The following WWOX variants were observed in gnomAD, a reference collection of about 807,000 sequenced individuals.
WWOX encodes the protein WW domain containing oxidoreductase.
WWOX carries 69 observed loss-of-function variants against 46.2 expected under a neutral mutation model. The observed-to-expected ratio is 1.49, with a 90% CI of 1.23 to 1.82. The LOEUF (loss-of-function observed/expected upper bound fraction) is 1.82. WWOX is among the 40% of genes most tolerant of loss of function. WWOX has a pLI of 0.00. For synonymous variants in WWOX, 359 were observed against 202.6 expected (o/e 1.77, Z -6.56); for missense variants, 919 against 542.6 (o/e 1.69, Z -6.89).
rs555750989 is a variant in WWOX at position 78,264,034 on chromosome 16, G to A, written c.516+99745G>A. Among the ~76,000 whole-genome samples, 47 of 52,162 alleles carry A rather than the reference G, an allele frequency of 9.0e-4. No individual in the cohort carries two copies. The South Asian group carries it at 0.018, about 20-fold the overall frequency. The allele number at this position is 52,162 out of a possible 152,430, so 34.2% of individuals were successfully genotyped here. On this transcript the variant is annotated intron_variant, in intron 5 of 8. Transcript: ENST00000566780. ...TTTTTTTGTTTTTTTGCTGTGGAGCGCAAAATGTTCATTTATCTCTGGATG... is the reference window on the plus strand; with the variant it reads ...TTTTTTTGTTTTTTTGCTGTGGAGCACAAAATGTTCATTTATCTCTGGATG...
At chr16:79,106,393 A>G (rs917706597) in intron 8 of WWOX, among the ~76,000 whole-genome samples, 2 of 152,178 alleles carry the variant, frequency 1.3e-5, no homozygotes, top group African/African-American at 4.8e-5. Context: ...TTCTCATGGC[A>G]TGATTCCTCT....
intron 5 of WWOX, among the ~76,000 whole-genome samples, chr16:78,354,272 C>T (rs2081240156): frequency 7.1e-6 from 1 of 140,454 alleles, no homozygotes; most frequent in African/African-American, 2.6e-5. Context: ...TCTCTTTTTG[C>T]TTGGCATAGG....
chr16:78,654,577 G>A lies in WWOX; in HGVS notation c.1056+221825G>A, dbSNP rs576199762. On this transcript the variant is annotated intron_variant, in intron 8 of 8. Coordinates refer to ENST00000566780, the MANE Select transcript of WWOX (RefSeq NM_016373.4). ...GTTCTTTTCAGATTCTGATTTCTCC[G>A]TGATATAAATAGTTTTTTAGGTGAT... is the stretch of plus-strand genomic sequence containing the variant. 2.9e-4 allele frequency among the ~76,000 whole-genome samples: 44 copies of A among 152,196 alleles called. No individual in the cohort carries two copies. The South Asian group carries it at 3.1e-3, about 11-fold the overall frequency.
intron 8 of WWOX, among the ~76,000 whole-genome samples, chr16:79,011,761 G>T (rs538857332): frequency 1.7e-3 from 258 of 152,054 alleles, no homozygotes; most frequent in African/African-American, 5.9e-3. Context: ...CCAAAGTGCT[G>T]GGATTACAGG....
At chr16:78,947,115 A>AG (rs1303959162) in intron 8 of WWOX, among the ~76,000 whole-genome samples, 2 of 151,392 alleles carry the variant, frequency 1.3e-5, no homozygotes, top group Non-Finnish European at 2.9e-5. Flanking sequence ...AAAAAAAAAG[A>AG]GGGGGAAAAA....
Position 78,825,290 on chromosome 16 carries a change from C to T in WWOX, c.1057-386318C>T, listed in dbSNP as rs558374770. On this transcript the variant is annotated intron_variant, in intron 8 of 8. Transcript: ENST00000566780. ...GGTGTGCAGCAGCATGATGGCCGCGCGAATTTCCAAGAAGAGGATGTTGGT... is the reference window on the plus strand; with the variant it reads ...GGTGTGCAGCAGCATGATGGCCGCGTGAATTTCCAAGAAGAGGATGTTGGT... The T allele has an allele frequency of 3.3e-4, 94 of 286,124 alleles. 1 individual carries two copies. The highest frequency in any genetic ancestry group is 2.8e-3 in the South Asian group (65 of 22,950). The allele number at this position is 286,124 out of a possible 1,614,324, so 17.7% of individuals were successfully genotyped here. A position where few individuals can be genotyped will look rare whatever the true frequency, so the allele number is the denominator to read the frequency against.
At chr16:79,123,713 C>T (rs1423268700) in intron 8 of WWOX, among the ~76,000 whole-genome samples, 1 of 152,112 alleles carries the variant, frequency 6.6e-6, no homozygotes, top group Non-Finnish European at 1.5e-5. Context: ...GCTGTAGGAA[C>T]ATGAAATAAT....
At chr16:79,195,177 A>G (rs2051214457) in intron 8 of WWOX, among the ~76,000 whole-genome samples, 1 of 152,054 alleles carries the variant, frequency 6.6e-6, no homozygotes, top group Non-Finnish European at 1.5e-5. Context: ...TGTTTGTTGT[A>G]GGTTGGGTAC....
chr16:78,255,205 G>T (rs918971673), intron 5 of WWOX, among the ~76,000 whole-genome samples: 1 of 152,058 alleles, frequency 6.6e-6, no homozygotes, highest in Admixed American at 6.5e-5. Context: ...CAGATCCCCC[G>T]TCCCCCTGCT....
chr16:78,490,742 G>A (rs778175865), intron 8 of WWOX, among the ~76,000 whole-genome samples: 25 of 152,260 alleles, frequency 1.6e-4, no homozygotes, highest in Middle Eastern at 6.8e-3. Context: ...TCTACACAGT[G>A]GTCTTCAGCT....
At chr16:78,851,283 A>T (rs545720545) in intron 8 of WWOX, among the ~76,000 whole-genome samples, 1 of 152,320 alleles carries the variant, frequency 6.6e-6, no homozygotes, top group South Asian at 2.1e-4. Context: ...ATAATTTTCA[A>T]CAGGAGCTAT....
At chr16:79,003,340 G>A (rs1193598074) in intron 8 of WWOX, among the ~76,000 whole-genome samples, 2 of 152,196 alleles carry the variant, frequency 1.3e-5, no homozygotes, top group African/African-American at 4.8e-5. Context: ...CATTTGCTGA[G>A]ATCCTGCTGT....
chr16:79,129,064 T>C (rs2049821062), intron 8 of WWOX, among the ~76,000 whole-genome samples: 1 of 152,156 alleles, frequency 6.6e-6, no homozygotes, highest in South Asian at 2.1e-4. Flanking sequence ...GTTTCTTCTT[T>C]TATGCTGAGA....
At chr16:78,459,998 T>G (rs116578458) in intron 8 of WWOX, among the ~76,000 whole-genome samples, 8,371 of 150,584 alleles carry the variant, frequency 0.056, 676 homozygotes, top group African/African-American at 0.17. Context: ...TAGAGTTGGG[T>G]TTTTCACCAT....
chr16:78,970,016 C>G (rs1329575012), intron 8 of WWOX, among the ~76,000 whole-genome samples: 1 of 151,670 alleles, frequency 6.6e-6, no homozygotes, highest in Non-Finnish European at 1.5e-5. Flanking sequence ...CATATCTCAA[C>G]AAAGCTGTTA....
chr16:78,586,723 C>T (rs1455486292), intron 8 of WWOX, among the ~76,000 whole-genome samples: 1 of 151,982 alleles, frequency 6.6e-6, no homozygotes, highest in Non-Finnish European at 1.5e-5. Context: ...TTATCATAGC[C>T]CTTATGGTGA....
At chr16:78,550,366 A>C (rs939767168) in intron 8 of WWOX, among the ~76,000 whole-genome samples, 3 of 152,224 alleles carry the variant, frequency 2.0e-5, no homozygotes, top group African/African-American at 7.2e-5. Context: ...GCTATCATGC[A>C]TTAGTGAAAG....
chr16:78,700,476 A>G (rs1267152768), intron 8 of WWOX, among the ~76,000 whole-genome samples: 2 of 152,098 alleles, frequency 1.3e-5, no homozygotes, highest in Admixed American at 1.3e-4. Flanking sequence ...TAACATATGC[A>G]TTTGGAAGAG....
At chr16:78,333,973 G>A (rs1715866029) in intron 5 of WWOX, among the ~76,000 whole-genome samples, 1 of 152,136 alleles carries the variant, frequency 6.6e-6, no homozygotes, top group African/African-American at 2.4e-5. Flanking sequence ...AATATTTCAT[G>A]TACTTTGCAT....
Sources: allele counts gnomAD v4.1 joint callset (sites outside exome capture counted in the v4.1 genomes callset), GRCh38; gene constraint gnomAD v4.1.1; transcripts MANE v1.5; gene names NCBI Gene and HGNC (gene_info 2026-07-23, HGNC 2026-07-21).